The following PCDHA6 variants were observed in gnomAD, a reference collection of about 807,000 sequenced individuals.
The protein encoded by PCDHA6 is protocadherin alpha-6.
A neutral mutation model predicts 60.3 loss-of-function variants in PCDHA6; 55 were observed. That is an observed-to-expected ratio of 0.91 (90% CI 0.73 to 1.14). PCDHA6 has a LOEUF of 1.14. Among genes scored for constraint, PCDHA6 ranks in the 50% most tolerant of loss-of-function variants. PCDHA6 has a pLI of 0.00. For missense variants in PCDHA6, 1,327 were observed against 1,256.5 expected, an observed-to-expected ratio of 1.06 and a Z score of -0.85; for synonymous variants, 652 against 557.9, an observed-to-expected ratio of 1.17 and a Z score of -2.38.
At chr5:140,876,597 G>A in intron 1 of PCDHA6, 1 of 1,614,160 alleles carries the variant, frequency 6.2e-7, no homozygotes, top group Non-Finnish European at 8.5e-7. Flanking sequence ...TTAGCGTGTC[G>A]GATCGTGACT....
intron 1 of PCDHA6, chr5:140,927,637 G>C (rs1554204838): frequency 6.2e-7 from 1 of 1,614,176 alleles, no homozygotes; most frequent in Non-Finnish European, 8.5e-7. Flanking sequence ...TGCACCCAAT[G>C]GGACTGTGTT....
intron 1 of PCDHA6, chr5:140,884,087 CT>C (rs782425411): frequency 6.2e-7 from 1 of 1,613,564 alleles, no homozygotes; most frequent in South Asian, 1.1e-5. Context: ...CAATGCGTGG[CT>C]TTCGTATGAA....
At chr5:140,875,807 G>A in intron 1 of PCDHA6, 1 of 1,614,206 alleles carries the variant, frequency 6.2e-7, no homozygotes, top group South Asian at 1.1e-5. Flanking sequence ...ATCGTGGACA[G>A]GCCGCTGCAG....
intron 1 of PCDHA6, chr5:140,849,827 G>T (rs1554143366): frequency 6.3e-7 from 1 of 1,598,480 alleles, no homozygotes; most frequent in Non-Finnish European, 8.6e-7. Context: ...TGTCTGTGGA[G>T]GTGGCCGACG....
In PCDHA6 at chr5:140,978,698, A is replaced by C. The variant is rs150194035; in HGVS notation, c.2395-251A>C. 1.4e-3 allele frequency among the ~76,000 whole-genome samples: 215 copies of C among 152,372 alleles called. 5 individuals carry two copies. In the South Asian group the frequency reaches 0.033, roughly 23 times the overall value. ...ACATGTATTGGGCAAGGCAAAGCCA[A>C]AGGTGGCCTTTACAAGATTATTAAA... is the stretch of plus-strand genomic sequence containing the variant. On this transcript the variant is annotated intron_variant, in intron 1 of 3. Transcript: ENST00000529310.
In PCDHA6 at chr5:140,884,542, G is replaced by T. The variant is rs1554181706; in HGVS notation, c.2394+54057G>T. 1.9e-6 allele frequency: 3 copies of T among 1,614,126 alleles called. No individual in the cohort carries two copies. In the Admixed American group the frequency reaches 5.0e-5, roughly 27 times the overall value. ...ACTCGCAGCAGAGGCGGCCGAGGGT[G>T]TGCTCTGGGGAGGGCCCGCATAAGA... On this transcript the variant is annotated intron_variant, in intron 1 of 3. Transcript: ENST00000529310.
chr5:140,862,415 G>T (rs1382532896), intron 1 of PCDHA6: 12 of 348,784 alleles, frequency 3.4e-5, no homozygotes, highest in Admixed American at 1.9e-4. Context: ...TTCAAAAGGC[G>T]CTGCCCAGAA....
rs2150409803 is a variant in PCDHA6, at chr5:140,848,387, C to G, written c.2394+17902C>G. The G allele has an allele frequency of 1.0e-3, 1,245 of 1,223,718 alleles. 70 individuals are homozygous for G. In the African/African-American group the frequency reaches 0.017, roughly 16 times the overall value. 75.8% of individuals were successfully genotyped at this position (1,223,718 alleles called of 1,614,324 possible). On this transcript the variant is annotated intron_variant, in intron 1 of 3. Coordinates refer to ENST00000529310, the MANE Select transcript of PCDHA6 (RefSeq NM_018909.4). The stretch of plus-strand genomic sequence containing the variant: ...AAGAGGCTCAATTCTTTTTCACTCT[C>G]TCTGTGCTGAACGATGGCGAACACA...
rs1221844247 is a variant in PCDHA6, at chr5:140,828,633, A to T, written c.542A>T (p.Asp181Val). Residue 181 changes from aspartate (D) to valine (V), a missense_variant, in exon 1 of 4, where the codon GAT becomes GTT. Asp to Val is a radical substitution (Grantham distance 152). Coordinates refer to ENST00000529310, the MANE Select transcript of PCDHA6 (RefSeq NM_018909.4). ...AGTTCTAGCGAATACTTCGGGCTAG[A>T]TGTGAAAATAAACAGTGATGACAAT... ...KLSSSEYFGL[D>V]VKINSDDNKQ... 1 of 1,614,094 alleles carries T rather than the reference A, an allele frequency of 6.2e-7. No individual in the cohort carries two copies. Among genetic ancestry groups the T allele is most frequent in the Non-Finnish European group, 8.5e-7 (1 of 1,180,050 alleles).
rs17844346 is a variant in PCDHA6 at position 140,857,813 on chromosome 5, G to T, written c.2394+27328G>T. On this transcript the variant is annotated intron_variant, in intron 1 of 3. Transcript: ENST00000529310. Reference sequence around the variant, plus strand: ...GCTGCGGTCGGTGGTTGCGGGTCACGTGGTGGCTAAGGTGCGCGCAGTGGA... The same window carrying T: ...GCTGCGGTCGGTGGTTGCGGGTCACTTGGTGGCTAAGGTGCGCGCAGTGGA... 43 of 1,597,700 alleles carry T rather than the reference G, an allele frequency of 2.7e-5. 5 individuals are homozygous for T. The highest frequency in any genetic ancestry group is 1.8e-4 in the East Asian group (8 of 44,836).
At position 140,884,506 on chromosome 5, in the gene PCDHA6, G is replaced by C. The variant is rs10076265; in HGVS notation, c.2394+54021G>C. 4,595 of 1,614,168 alleles carry C rather than the reference G, an allele frequency of 2.8e-3. 101 individuals are homozygous for C. In the African/African-American group the frequency reaches 0.053, roughly 19 times the overall value. On this transcript the variant is annotated intron_variant, in intron 1 of 3. Coordinates refer to ENST00000529310, the MANE Select transcript of PCDHA6 (RefSeq NM_018909.4). Reference sequence around the variant, plus strand: ...CTCTAGTGTGCTCCAGCGCGGCAGGGAGTTGGTCGTACTCGCAGCAGAGGC... The same window carrying C: ...CTCTAGTGTGCTCCAGCGCGGCAGGCAGTTGGTCGTACTCGCAGCAGAGGC...
intron 3 of PCDHA6, among the ~76,000 whole-genome samples, chr5:141,007,324 A>G (rs35241677): frequency 0.053 from 8,037 of 150,420 alleles, 253 homozygotes; most frequent in South Asian, 0.11. Context: ...GCTAAAGTGG[A>G]CAGATTGCCT....
At position 140,829,116 on chromosome 5, in the gene PCDHA6, A is replaced by T; in HGVS notation, c.1025A>T (p.Asp342Val). The change falls in exon 1 of 4, where the codon GAT becomes GTT. Residue 342 changes from aspartate (D) to valine (V), a missense_variant. Asp to Val is a radical substitution (Grantham distance 152). Coordinates refer to ENST00000529310, the MANE Select transcript of PCDHA6 (RefSeq NM_018909.4). ...GHCTVLVRIL[D>V]KNDNVPEIAL... ...TGCACCGTTTTAGTGAGAATTTTGGATAAAAATGATAACGTCCCTGAGATA... is the reference window on the plus strand; with the variant it reads ...TGCACCGTTTTAGTGAGAATTTTGGTTAAAAATGATAACGTCCCTGAGATA... 3.1e-6 allele frequency: 5 copies of T among 1,612,284 alleles called. No individual in the cohort carries two copies. The highest frequency in any genetic ancestry group is 4.2e-6 in the Non-Finnish European group (5 of 1,178,302).
At chr5:140,971,752 A>C (rs1367685618) in intron 1 of PCDHA6, among the ~76,000 whole-genome samples, 2 of 138,248 alleles carry the variant, frequency 1.4e-5, no homozygotes, top group Non-Finnish European at 3.3e-5. Context: ...TATATCTCAT[A>C]TTACTGAATC....
chr5:140,963,117 AAG>A (rs1292385306), intron 1 of PCDHA6, among the ~76,000 whole-genome samples: 1 of 152,182 alleles, frequency 6.6e-6, no homozygotes, highest in African/African-American at 2.4e-5. Flanking sequence ...CTTATAATTA[AAG>A]AGATAATATT....
chr5:140,949,636 T>A (rs1047386786), intron 1 of PCDHA6, among the ~76,000 whole-genome samples: 1 of 151,898 alleles, frequency 6.6e-6, no homozygotes, highest in Admixed American at 6.6e-5. Context: ...GGCATATTGC[T>A]TTTTGTTCAT....
chr5:140,927,226 A>G, intron 1 of PCDHA6: 4 of 1,613,996 alleles, frequency 2.5e-6, no homozygotes, highest in Non-Finnish European at 3.4e-6. Context: ...CAAGATTCGG[A>G]TTCACGTCCT....
chr5:140,861,729 C>T (rs947423551), intron 1 of PCDHA6: 5 of 192,220 alleles, frequency 2.6e-5, no homozygotes, highest in Non-Finnish European at 5.3e-5. Context: ...GCTCTGATGA[C>T]TTACATACTG....
At chr5:140,837,629 C>CT (rs2150277750) in intron 1 of PCDHA6, among the ~76,000 whole-genome samples, 8 of 148,948 alleles carry the variant, frequency 5.4e-5, no homozygotes, top group Admixed American at 1.3e-4. Flanking sequence ...TCCTTCCTTC[C>CT]TTCCTTTCTT....
Sources: gnomAD v4.1 joint callset for allele counts (sites outside exome capture counted in the v4.1 genomes callset) on GRCh38, gnomAD v4.1.1 for gene constraint, MANE v1.5 for transcripts, NCBI Gene and HGNC (gene_info 2026-07-23, HGNC 2026-07-21) for gene names.